HMGA2: variants seen among roughly 807,000 people sequenced by gnomAD.
HMGA2 encodes the protein high mobility group AT-hook 2, also known as high mobility group protein HMGI-C.
Under a neutral mutation model 19.1 loss-of-function variants are expected in HMGA2, and 8 were observed. The observed-to-expected ratio is 0.42, with a 90% CI of 0.25 to 0.76. HMGA2 has a LOEUF of 0.76. Ranked by LOEUF, HMGA2 falls within the 30% of genes least tolerant of loss-of-function variation. The pLI is 0.28. For synonymous variants in HMGA2, 60 were observed against 48.8 expected, an observed-to-expected ratio of 1.23 and a Z score of -0.96; for missense variants, 109 against 136.3, an observed-to-expected ratio of 0.80 and a Z score of 1.00.
chr12:65,949,555 G>A (rs763677756), intron 3 of HMGA2, among the ~76,000 whole-genome samples: 4 of 152,162 alleles, frequency 2.6e-5, no homozygotes, highest in Non-Finnish European at 4.4e-5. Flanking sequence ...AGTGAGGACT[G>A]GAAGCAAATA....
chr12:65,962,456 C>T (rs180811855), intron 4 of HMGA2, among the ~76,000 whole-genome samples: 1 of 152,308 alleles, frequency 6.6e-6, no homozygotes, highest in Admixed American at 6.5e-5. Context: ...GCTAGCCCAC[C>T]ATCAAATGTT....
intron 3 of HMGA2, among the ~76,000 whole-genome samples, chr12:65,905,508 A>G (rs1464179862): frequency 6.6e-6 from 1 of 152,206 alleles, no homozygotes; most frequent in African/African-American, 2.4e-5. Context: ...GAGGAATAGA[A>G]AGAAAAAGCA....
chr12:65,915,799 C>A (rs1426002609), intron 3 of HMGA2, among the ~76,000 whole-genome samples: 3 of 152,144 alleles, frequency 2.0e-5, no homozygotes, highest in African/African-American at 7.2e-5. Flanking sequence ...ATAGATTTTG[C>A]TTAAAATGTC....
chr12:65,825,216 C>A lies in HMGA2; in HGVS notation c.-55C>A. On this transcript the variant is annotated 5_prime_UTR_variant, in exon 1 of 5. Coordinates refer to ENST00000403681, the MANE Select transcript of HMGA2 (RefSeq NM_003483.6). The surrounding 1 kb of genome is among the most constrained non-coding windows in gnomAD (Gnocchi z 4.4). Reference sequence around the variant, plus strand: ...ATCTCCCGAAAGGTGCTGGGCAGCTCCGGGGCGGTCGAGGCGAAGCGGCTG... The same window carrying A: ...ATCTCCCGAAAGGTGCTGGGCAGCTACGGGGCGGTCGAGGCGAAGCGGCTG... 1 of 1,447,484 alleles carries A rather than the reference C, an allele frequency of 6.9e-7. No homozygotes were observed. The highest frequency in any genetic ancestry group is 9.3e-7 in the Non-Finnish European group (1 of 1,075,774). The allele number at this position is 1,447,484 out of a possible 1,614,324, so 89.7% of individuals were successfully genotyped here.
At chr12:65,893,654 A>C (rs1168184534) in intron 3 of HMGA2, among the ~76,000 whole-genome samples, 1 of 152,180 alleles carries the variant, frequency 6.6e-6, no homozygotes, top group East Asian at 1.9e-4. Context: ...GCTGTCCTGC[A>C]TTTCAGGGGG....
chr12:65,849,039 T>C (rs983073697), intron 3 of HMGA2, among the ~76,000 whole-genome samples: 2 of 152,132 alleles, frequency 1.3e-5, no homozygotes, highest in Non-Finnish European at 2.9e-5. Flanking sequence ...ACGATTATGG[T>C]TGGTAATGTT....
chr12:65,858,041 GATTA>G (rs1871833147), intron 3 of HMGA2: 1 of 152,778 alleles, frequency 6.5e-6, no homozygotes, highest in Non-Finnish European at 1.5e-5. Context: ...ATTTCCTGAG[GATTA>G]ATGACCAGCT....
chr12:65,842,623 C>A (rs1033313012), intron 3 of HMGA2: 5 of 1,535,512 alleles, frequency 3.3e-6, no homozygotes, highest in Non-Finnish European at 3.5e-6. Context: ...AGAAGCCTTT[C>A]TTCCAATAGC....
chr12:65,955,354 G>A (rs1876576486), intron 4 of HMGA2: 2 of 151,782 alleles, frequency 1.3e-5, no homozygotes, highest in African/African-American at 4.8e-5. Flanking sequence ...ATTATTAGAG[G>A]GTGCTTTGTT....
rs548673502 is a variant in HMGA2, at chr12:65,897,341, A to G, written c.250-54042A>G. On this transcript the variant is annotated intron_variant, in intron 3 of 4. Transcript: ENST00000403681. ...TTTGATGAAAAGAAACTGACAGTACAAACTAGAGAACTTGTGATCATATTA... is the reference window on the plus strand; with the variant it reads ...TTTGATGAAAAGAAACTGACAGTACGAACTAGAGAACTTGTGATCATATTA... Among the ~76,000 whole-genome samples the G allele has an allele frequency of 1.4e-4, 21 of 152,340 alleles. No homozygotes were observed. In the South Asian group the frequency reaches 4.4e-3, roughly 32 times the overall value.
intron 3 of HMGA2, among the ~76,000 whole-genome samples, chr12:65,896,968 C>T (rs772709502): frequency 6.6e-6 from 1 of 152,204 alleles, no homozygotes; most frequent in Non-Finnish European, 1.5e-5. Context: ...GGTAACTCGT[C>T]ACTGTTGTTG....
In HMGA2 at chr12:65,918,240, T is replaced by C. The variant is rs369499097; in HGVS notation, c.250-33143T>C. Among the ~76,000 whole-genome samples the C allele has an allele frequency of 4.3e-4, 66 of 152,350 alleles. 1 individual carries two copies. The highest frequency in any genetic ancestry group is 1.6e-3 in the African/African-American group (66 of 41,578). ...TCTCTTCCTTCACCTCTTTTTGGTT[T>C]CATTTTCGTAAGAGTACCTGTCAGC... On this transcript the variant is annotated intron_variant, in intron 3 of 4. Coordinates refer to ENST00000403681, the MANE Select transcript of HMGA2 (RefSeq NM_003483.6).
intron 3 of HMGA2, among the ~76,000 whole-genome samples, chr12:65,845,560 C>G (rs1193295920): frequency 6.6e-6 from 1 of 150,744 alleles, no homozygotes. Context: ...TGAGTCACCA[C>G]TCACGGCCTT....
intron 3 of HMGA2, chr12:65,857,740 C>T (rs1871816495): frequency 6.6e-6 from 1 of 152,152 alleles, no homozygotes; most frequent in Non-Finnish European, 1.5e-5. Context: ...ATTGCTCTGT[C>T]TTTTACTGAC....
Position 65,888,512 on chromosome 12 carries a change from A to G in HMGA2, c.249+49943A>G, listed in dbSNP as rs561432686. 2.7e-5 allele frequency among the ~76,000 whole-genome samples: 4 copies of G among 146,120 alleles called. No homozygotes were observed. The East Asian group carries it at 8.1e-4, about 30-fold the overall frequency. On this transcript the variant is annotated intron_variant, in intron 3 of 4. Coordinates refer to ENST00000403681, the MANE Select transcript of HMGA2 (RefSeq NM_003483.6). Reference sequence around the variant, plus strand: ...TAGAATAAAACTACCTTTGACTCATAGACTCATTCATCCAATAGGAATAGA... The same window carrying G: ...TAGAATAAAACTACCTTTGACTCATGGACTCATTCATCCAATAGGAATAGA...
chr12:65,825,332 C>T lies in HMGA2; in HGVS notation c.62C>T (p.Ala21Val), dbSNP rs1455452771. The change falls in exon 1 of 5, where the codon GCC becomes GTC. Residue 21 changes from alanine (A) to valine (V), a missense_variant. Coordinates refer to ENST00000403681, the MANE Select transcript of HMGA2 (RefSeq NM_003483.6). This position sits in a 1 kb window ranked among gnomAD's most constrained non-coding sequence, Gnocchi z 4.4. ...PSTSAQGQPA[A>V]PAPQKRGRGR... ...ACTTCAGCCCAGGGACAACCTGCCG[C>T]CCCAGCGCCTCAGAAGAGAGGACGC... 6.5e-7 allele frequency: 1 copy of T among 1,538,770 alleles called. No homozygotes were observed.
chr12:65,919,993 G>A (rs541946859), intron 3 of HMGA2, among the ~76,000 whole-genome samples: 1 of 152,302 alleles, frequency 6.6e-6, no homozygotes, highest in East Asian at 1.9e-4. Context: ...TTCTGGCTCC[G>A]GGAAGCTGAT....
intron 3 of HMGA2, among the ~76,000 whole-genome samples, chr12:65,938,328 A>T (rs1453881226): frequency 6.6e-6 from 1 of 152,184 alleles, no homozygotes; most frequent in Non-Finnish European, 1.5e-5. Context: ...CTTATTATTA[A>T]ATCAGTTTGA....
chr12:65,916,127 T>C (rs185160458), intron 3 of HMGA2, among the ~76,000 whole-genome samples: 2 of 152,252 alleles, frequency 1.3e-5, no homozygotes, highest in East Asian at 3.9e-4. Flanking sequence ...CACAGAACAG[T>C]AAGGGAGTGC....
Sources: allele counts gnomAD v4.1 joint callset (sites outside exome capture counted in the v4.1 genomes callset), GRCh38; gene constraint gnomAD v4.1.1; non-coding constraint Gnocchi (gnomAD v3.1); transcripts MANE v1.5; gene names NCBI Gene and HGNC (gene_info 2026-07-23, HGNC 2026-07-21).